Variants in WHAMM observed in about 807,000 individuals in gnomAD.
WHAMM encodes the protein WASP homolog associated with actin, golgi membranes and microtubules, also known as WASP homolog-associated protein with actin, membranes and microtubules.
WHAMM carries 67 observed loss-of-function variants against 76.5 expected under a neutral mutation model. That is an observed-to-expected ratio of 0.88 (90% confidence interval 0.72 to 1.07). The LOEUF (loss-of-function observed/expected upper bound fraction) is 1.07, where lower values mean the gene tolerates loss of function less well. Among genes scored for constraint, WHAMM ranks in the 50% least tolerant of loss-of-function variants. The probability of loss-of-function intolerance (pLI) is 0.00; values close to 1 mark genes in which losing one functional copy is unlikely to be tolerated. For missense variants in WHAMM, 1,021 were observed against 1,051.1 expected, an observed-to-expected ratio of 0.97 and a Z score of 0.40; for synonymous variants, 419 against 422.1, an observed-to-expected ratio of 0.99 and a Z score of 0.09.
intron 8 of WHAMM, among the ~76,000 whole-genome samples, chr15:82,827,305 T>C (rs1191939472): frequency 2.6e-5 from 4 of 152,152 alleles, no homozygotes; most frequent in Non-Finnish European, 5.9e-5. Flanking sequence ...TACAACTTTC[T>C]TTTTTCTTTT....
intron 8 of WHAMM, among the ~76,000 whole-genome samples, chr15:82,828,583 TCTC>T (rs2050976395): frequency 6.6e-6 from 1 of 152,084 alleles, no homozygotes; most frequent in Admixed American, 6.6e-5. Context: ...AACCAGCCCA[TCTC>T]CTCAGGCCTC....
At position 82,833,280 on chromosome 15, in the gene WHAMM, G is replaced by A. The variant is rs751303140; in HGVS notation, c.2174G>A (p.Arg725Gln). 1.4e-5 allele frequency: 23 copies of A among 1,613,880 alleles called. No individual in the cohort carries two copies. Among genetic ancestry groups the A allele is most frequent in the Non-Finnish European group, 1.7e-5 (20 of 1,179,888 alleles). Residue 725 changes from arginine to glutamine, a missense_variant, in exon 10 of 10, where the codon CGG (arginine) becomes CAG (glutamine). Coordinates refer to ENST00000286760, the MANE Select transcript of WHAMM (RefSeq NM_001080435.3). Reference protein sequence around the residue: ...ASLRHGRAPLRKVEVPAVRPP... With the variant: ...ASLRHGRAPLQKVEVPAVRPP... Reference sequence around the variant, plus strand: ...TTAAGGCATGGCAGAGCTCCTCTCCGGAAGGTGGAAGTGCCGGCGGTGCGC... The same window carrying A: ...TTAAGGCATGGCAGAGCTCCTCTCCAGAAGGTGGAAGTGCCGGCGGTGCGC...
Position 82,835,110 on chromosome 15 carries a change from A to AATC in WHAMM, c.*1575_*1577dup, listed in dbSNP as rs544865703. On this transcript the variant is annotated 3_prime_UTR_variant, in exon 10 of 10. Coordinates refer to ENST00000286760, the MANE Select transcript of WHAMM (RefSeq NM_001080435.3). ...AAAGTCCTGATTGATATAGAACAGAAATCTTCCTACTTCAGTTTTTTTGTT... is the reference window on the plus strand; with the variant it reads ...AAAGTCCTGATTGATATAGAACAGAAATCATCTTCCTACTTCAGTTTTTTTGTT... 1.4e-4 allele frequency: 21 copies of AATC among 147,810 alleles called. No individual in the cohort carries two copies. Among genetic ancestry groups the AATC allele is most frequent in the African/African-American group, 4.6e-4 (18 of 39,338 alleles). The allele number at this position is 147,810 out of a possible 1,614,324, so 9.2% of individuals were successfully genotyped here.
At position 82,830,677 on chromosome 15, in the gene WHAMM, C is replaced by T. The variant is rs2051012123; in HGVS notation, c.1720C>T (p.Gln574Ter). 1.9e-6 allele frequency: 3 copies of T among 1,613,918 alleles called. No homozygotes were observed. The highest frequency in any genetic ancestry group is 8.5e-7 in the Non-Finnish European group (1 of 1,179,918). ...APNLPSDLSQ[Q>*]MCLPASHAVS... The stretch of plus-strand genomic sequence containing the variant: ...AAACCTGCCAAGTGATCTTTCCCAG[C>T]AGATGTGCTTGCCAGCTTCCCACGC... Residue 574 changes from glutamine to a stop codon, truncating the protein, a stop_gained, in exon 9 of 10, where the codon CAG (glutamine) becomes TAG (stop). Coordinates refer to ENST00000286760, the MANE Select transcript of WHAMM (RefSeq NM_001080435.3). LOFTEE classifies it high-confidence loss of function.
chr15:82,816,881 T>G (rs536085338), intron 3 of WHAMM, 39 bp downstream of exon 3: 1 of 1,527,614 alleles, frequency 6.5e-7, no homozygotes, highest in Non-Finnish European at 8.8e-7. Flanking sequence ...ATACATGTAA[T>G]TGATTATCAT....
chr15:82,819,043 T>TA (rs1444832009), intron 4 of WHAMM, among the ~76,000 whole-genome samples: 2 of 152,246 alleles, frequency 1.3e-5, no homozygotes, highest in Non-Finnish European at 2.9e-5. Context: ...CACTGGGAGT[T>TA]AGAGTGTCAA....
intron 8 of WHAMM, among the ~76,000 whole-genome samples, chr15:82,828,841 G>A (rs2050981032): frequency 6.6e-6 from 1 of 152,180 alleles, no homozygotes; most frequent in Admixed American, 6.5e-5. Context: ...AAGTCTGTGT[G>A]GCTTAAATTT....
intron 5 of WHAMM, 21 bp from the exon 6 acceptor site, chr15:82,823,079 C>A: frequency 7.8e-7 from 1 of 1,284,038 alleles, no homozygotes; most frequent in Non-Finnish European, 1.0e-6. Flanking sequence ...ATGTTTTAAA[C>A]AATCATTAAT....
intron 9 of WHAMM, among the ~76,000 whole-genome samples, chr15:82,832,237 T>C (rs1188900185): frequency 6.6e-6 from 1 of 152,252 alleles, no homozygotes; most frequent in Non-Finnish European, 1.5e-5. Flanking sequence ...AGTGTGAATT[T>C]GCACCAGAGA....
intron 4 of WHAMM, 94 bp downstream of exon 4, chr15:82,818,183 C>G: frequency 7.4e-7 from 1 of 1,347,714 alleles, no homozygotes; most frequent in Non-Finnish European, 1.0e-6. Context: ...AGTTTTTGTT[C>G]CATGGATATA....
intron 5 of WHAMM, among the ~76,000 whole-genome samples, chr15:82,822,251 A>G (rs528456473): frequency 5.3e-5 from 8 of 152,290 alleles, no homozygotes; most frequent in South Asian, 2.1e-4. Flanking sequence ...CTGGAGGGCA[A>G]TTTGTCAATG....
chr15:82,832,452 G>T (rs183879549), intron 9 of WHAMM, among the ~76,000 whole-genome samples: 1 of 152,150 alleles, frequency 6.6e-6, no homozygotes, highest in African/African-American at 2.4e-5. Flanking sequence ...TCCAGCAGGC[G>T]ATAAAAGATT....
intron 8 of WHAMM, among the ~76,000 whole-genome samples, chr15:82,827,716 G>A (rs1054569436): frequency 4.6e-5 from 7 of 152,152 alleles, no homozygotes; most frequent in African/African-American, 7.2e-5. Flanking sequence ...AGGCTGAGGC[G>A]GGCAGATTCC....
chr15:82,811,846 T>C (rs965748725), intron 1 of WHAMM, among the ~76,000 whole-genome samples: 1 of 152,034 alleles, frequency 6.6e-6, no homozygotes, highest in African/African-American at 2.4e-5. Flanking sequence ...AGTGAGGCTT[T>C]CACTTAAAAA....
chr15:82,831,225 A>G, intron 9 of WHAMM, 146 bp downstream of exon 9: 1 of 1,417,846 alleles, frequency 7.1e-7, no homozygotes, highest in Non-Finnish European at 9.4e-7. Flanking sequence ...TGCCTTGAGT[A>G]TCATTATTCT....
chr15:82,834,546 TTAGACTACTGACTGTGG>T lies in WHAMM; in HGVS notation c.*1011_*1027del, dbSNP rs1424599057. The T allele has an allele frequency of 6.6e-6, 1 of 152,666 alleles. No homozygotes were observed. The highest frequency in any genetic ancestry group is 1.5e-5 in the Non-Finnish European group (1 of 68,034). The allele number at this position is 152,666 out of a possible 1,614,324, so 9.5% of individuals were successfully genotyped here. On this transcript the variant is annotated 3_prime_UTR_variant, in exon 10 of 10. Transcript: ENST00000286760. ...TACACTACACTGGTAAGCAGTACTA[TTAGACTACTGACTGTGG>T]CCTTCTGTGCATATGGAATAATGAT...
chr15:82,826,338 T>A, intron 6 of WHAMM, 72 bp from the exon 7 acceptor site: 1 of 1,542,322 alleles, frequency 6.5e-7, no homozygotes, highest in Non-Finnish European at 9.0e-7. Context: ...GCAGTGCTTT[T>A]TTCTTTTAAT....
rs567697932 is a variant in WHAMM at position 82,826,493 on chromosome 15, G to A, written c.1542G>A (p.Gln514=). ...IRYSRQHHSI[Q]MKRDKIKEEE... ...ACTCTCGTCAGCATCACAGTATTCA[G>A]ATGGTGAGTCTCCTCCGAAGGAAAA... Residue 514 remains glutamine, a synonymous_variant, in exon 7 of 10, where the codon CAG becomes CAA. Transcript: ENST00000286760. The A allele has an allele frequency of 6.2e-6, 10 of 1,613,534 alleles. No individual in the cohort carries two copies. In the South Asian group the frequency reaches 1.1e-4, roughly 18 times the overall value.
chr15:82,813,587 A>G (rs1372439576), intron 2 of WHAMM, among the ~76,000 whole-genome samples: 2 of 150,338 alleles, frequency 1.3e-5, no homozygotes, highest in African/African-American at 4.9e-5. Flanking sequence ...TACGTTGGTC[A>G]TCTTAATAGC....
Sources: allele counts gnomAD v4.1 joint callset (sites outside exome capture counted in the v4.1 genomes callset), GRCh38; gene constraint gnomAD v4.1.1; transcripts MANE v1.5; gene names NCBI Gene and HGNC (gene_info 2026-07-23, HGNC 2026-07-21).